HPS1: variants seen among roughly 807,000 people sequenced by gnomAD.
HPS1 encodes BLOC-3 complex member HPS1.
In HPS1, 59 loss-of-function variants were observed where a neutral mutation model predicts 90.6. The ratio of observed to expected loss-of-function variants is 0.65; its 90% CI spans 0.53 to 0.81. The LOEUF (loss-of-function observed/expected upper bound fraction) is 0.81, where lower values mean the gene tolerates loss of function less well. Among genes scored for constraint, HPS1 ranks in the 30% least tolerant of loss-of-function variants. The pLI is 0.00. For synonymous variants in HPS1, 388 were observed against 384.4 expected (o/e 1.01, Z -0.11); for missense variants, 849 against 896.7 (o/e 0.95, Z 0.68).
chr10:98,430,705 A>G, intron 7 of HPS1, 35 bp from the exon 8 acceptor site: 1 of 1,522,632 alleles, frequency 6.6e-7, no homozygotes, highest in South Asian at 1.2e-5. Context: ...CCATCAGCAC[A>G]TGCCCAGCAG....
intron 3 of HPS1, among the ~76,000 whole-genome samples, chr10:98,437,894 C>A (rs906760989): frequency 1.3e-5 from 2 of 152,182 alleles, no homozygotes; most frequent in Admixed American, 6.5e-5. Context: ...GTGGAGATAA[C>A]TGAATCATGG....
intron 3 of HPS1, 22 bp downstream of exon 3, chr10:98,443,102 G>A: frequency 2.0e-6 from 3 of 1,517,858 alleles, no homozygotes; most frequent in African/African-American, 1.4e-5. Context: ...ACCCCTCCTG[G>A]GACTGCCTAC....
chr10:98,446,472 T>G (rs926916451), intron 1 of HPS1, among the ~76,000 whole-genome samples: 1 of 152,226 alleles, frequency 6.6e-6, no homozygotes, highest in Non-Finnish European at 1.5e-5. Context: ...CCTGTGGCCC[T>G]TGGTCCCGTC....
intron 7 of HPS1, 135 bp from the exon 8 acceptor site, chr10:98,430,805 CA>C (rs765271892): frequency 1.1e-4 from 82 of 747,198 alleles, no homozygotes; most frequent in Non-Finnish European, 1.7e-4. Flanking sequence ...GGCACAAATA[CA>C]ATTAATTAAC....
intron 13 of HPS1, among the ~76,000 whole-genome samples, chr10:98,425,117 G>A (rs543897827): frequency 6.6e-5 from 10 of 152,192 alleles, no homozygotes; most frequent in South Asian, 4.2e-4. Flanking sequence ...GGGTGGAGCC[G>A]TGACCTGCAC....
chr10:98,417,738 G>A lies in HPS1; in HGVS notation c.1941-12C>T. On this transcript the variant is annotated splice_polypyrimidine_tract_variant and intron_variant, in intron 19 of 19. Coordinates refer to ENST00000361490, the MANE Select transcript of HPS1 (RefSeq NM_000195.5). This position sits in a 1 kb window ranked among gnomAD's most constrained non-coding sequence, Gnocchi z 4.2. ...AGCGCAGGAGCTTCCTGGGGAGGAA[G>A]GGGAGGATGGGATTCAGGAGTGAGG... 1.2e-6 allele frequency: 2 copies of A among 1,613,324 alleles called. No homozygotes were observed. Among genetic ancestry groups the A allele is most frequent in the Non-Finnish European group, 1.7e-6 (2 of 1,179,640 alleles).
intron 16 of HPS1, 34 bp from the exon 17 acceptor site, chr10:98,422,547 G>T: frequency 6.2e-7 from 1 of 1,611,892 alleles, no homozygotes. Context: ...TACAAGCCAG[G>T]AGCTAGGGAC....
rs2136259941 is a variant in HPS1 at position 98,435,915 on chromosome 10, A to G, written c.118-143T>C. 2 of 1,005,166 alleles carry G rather than the reference A, an allele frequency of 2.0e-6. No homozygotes were observed. Among genetic ancestry groups the G allele is most frequent in the South Asian group, 3.1e-5 (2 of 64,060 alleles). 62.3% of individuals were successfully genotyped at this position (1,005,166 alleles called of 1,614,324 possible). ...GTATCACTGTCCTGGTAGGGAGGGG[A>G]GCAAAAAGAGACTGTCCCCAACACT... On this transcript the variant is annotated intron_variant, in intron 3 of 19. Transcript: ENST00000361490. This position sits in a 1 kb window ranked among gnomAD's most constrained non-coding sequence, Gnocchi z 4.3.
intron 18 of HPS1, 106 bp downstream of exon 18, chr10:98,419,934 AAGAAG>A: frequency 1.2e-6 from 1 of 834,534 alleles, no homozygotes; most frequent in Non-Finnish European, 2.1e-6. Flanking sequence ...TACCAGCAAC[AAGAAG>A]AGAAGATGAG....
chr10:98,432,231 C>A (rs570269469), intron 6 of HPS1, among the ~76,000 whole-genome samples: 1 of 152,336 alleles, frequency 6.6e-6, no homozygotes, highest in African/African-American at 2.4e-5. Flanking sequence ...CATTAGGTCA[C>A]CTCCTAAAAG....
At chr10:98,443,755 G>A (rs1938889795) in intron 2 of HPS1, among the ~76,000 whole-genome samples, 1 of 152,180 alleles carries the variant, frequency 6.6e-6, no homozygotes, top group East Asian at 1.9e-4. Context: ...TTCCAGGGCT[G>A]GGCGCGGTGG....
rs764518529 is a variant in HPS1, at chr10:98,429,797, T to A, written c.861A>T (p.Ala287=). 4 of 1,613,766 alleles carry A rather than the reference T, an allele frequency of 2.5e-6. No homozygotes were observed. The highest frequency in any genetic ancestry group is 3.4e-6 in the Non-Finnish European group (4 of 1,180,014). The change falls in exon 9 of 20, where the codon GCA becomes GCT. Residue 287 remains alanine, a synonymous_variant. Coordinates refer to ENST00000361490, the MANE Select transcript of HPS1 (RefSeq NM_000195.5). ...HSTGPTGGSS[A]ETETDSFSLP... Reference sequence around the variant, plus strand: ...CGAAGTGCACAGCACACACCGTCTCTGCAGAGCTCCCCCCAGTTGGGCCCG... The same window carrying A: ...CGAAGTGCACAGCACACACCGTCTCAGCAGAGCTCCCCCCAGTTGGGCCCG...
Position 98,443,214 on chromosome 10 carries a change from C to G in HPS1, c.27G>C (p.Glu9Asp), listed in dbSNP as rs7914192. The change falls in exon 3 of 20, where the codon GAG (glutamate) becomes GAC (aspartate). Residue 9 changes from glutamate (E) to aspartate (D), a missense_variant. Coordinates refer to ENST00000361490, the MANE Select transcript of HPS1 (RefSeq NM_000195.5). ...TCCAGTAGAAGAGGACCTCTGCGCC[C>G]TCAGTGGCCACCAAGACGCACTTCA... MKCVLVAT[E>D]GAEVLFYWTD... The G allele has an allele frequency of 1.2e-3, 1,901 of 1,614,066 alleles. 17 individuals are homozygous for G. In the African/African-American group the frequency reaches 0.013, roughly 11 times the overall value.
At chr10:98,426,670 T>C (rs1845640143) in intron 11 of HPS1, among the ~76,000 whole-genome samples, 1 of 151,946 alleles carries the variant, frequency 6.6e-6, no homozygotes, top group Admixed American at 6.6e-5. Flanking sequence ...AATGGAAAAA[T>C]GTTTAAATAA....
At chr10:98,414,178 C>T (rs1235041130), downstream of HPS1, 1 of 152,104 alleles carries the variant, frequency 6.6e-6, no homozygotes, top group Non-Finnish European at 1.5e-5. Context: ...CTCGCAACTG[C>T]TCTAGTACAT....
rs972124828 is a variant in HPS1, at chr10:98,435,979, G to A, written c.118-207C>T. Among the ~76,000 whole-genome samples the A allele has an allele frequency of 6.6e-6, 1 of 152,214 alleles. No individual in the cohort carries two copies. The highest frequency in any genetic ancestry group is 1.5e-5 in the Non-Finnish European group (1 of 68,036). ...AGGAAGAATGGGGAGGGCCAGCTGGGTAATGGTGCTGTTTAGGCTCTGAAT... is the reference window on the plus strand; with the variant it reads ...AGGAAGAATGGGGAGGGCCAGCTGGATAATGGTGCTGTTTAGGCTCTGAAT... On this transcript the variant is annotated intron_variant, in intron 3 of 19. Transcript: ENST00000361490. The surrounding 1 kb of genome is among the most constrained non-coding windows in gnomAD (Gnocchi z 4.3).
At chr10:98,418,128 A>C (rs1844349094) in intron 19 of HPS1, 47 bp downstream of exon 19, 2 of 1,286,346 alleles carry the variant, frequency 1.6e-6, no homozygotes, top group Non-Finnish European at 2.2e-6. Context: ...AGCACTTATC[A>C]CCCAAATGGG....
At position 98,425,565 on chromosome 10, in the gene HPS1, C is replaced by T; in HGVS notation, c.1311G>A (p.Lys437=). 2 of 1,613,032 alleles carry T rather than the reference C, an allele frequency of 1.2e-6. No homozygotes were observed. Among genetic ancestry groups the T allele is most frequent in the Non-Finnish European group, 1.7e-6 (2 of 1,179,658 alleles). ...DLRQRMDKFV[K]NRGAQEIQST... ...CCTGAATCTCCTGTGCCCCTCGATT[C>T]TTGACAAACTTGTCCATCCTCTGGC... The change falls in exon 13 of 20, where the codon AAG becomes AAA. Residue 437 remains lysine (K), a synonymous_variant. Coordinates refer to ENST00000361490, the MANE Select transcript of HPS1 (RefSeq NM_000195.5).
In HPS1 at chr10:98,431,241, C is replaced by A; in HGVS notation, c.558G>T (p.Ala186=). 6.2e-7 allele frequency: 1 copy of A among 1,613,974 alleles called. No individual in the cohort carries two copies. Among genetic ancestry groups the A allele is most frequent in the Non-Finnish European group, 8.5e-7 (1 of 1,180,036 alleles). The change falls in exon 7 of 20, where the codon GCG becomes GCT. Residue 186 remains alanine (A), a synonymous_variant. Coordinates refer to ENST00000361490, the MANE Select transcript of HPS1 (RefSeq NM_000195.5). ...CAGCCTGGATGACGTGCCGCTCCAG[C>A]GCCTCTATGCACAGCTCACAGAGCT... ...HPQLCELCIE[A]LERHVIQAVN...
Sources: allele counts gnomAD v4.1 joint callset (sites outside exome capture counted in the v4.1 genomes callset), GRCh38; gene constraint gnomAD v4.1.1; non-coding constraint Gnocchi (gnomAD v3.1); transcripts MANE v1.5; gene names NCBI Gene and HGNC (gene_info 2026-07-23, HGNC 2026-07-21).